Variants in FRMD4A observed in about 807,000 individuals in gnomAD.
FRMD4A encodes FERM domain containing 4A, also known as FERM domain-containing protein 4A.
A neutral mutation model predicts 129.1 loss-of-function variants in FRMD4A; 29 were observed. That is an observed-to-expected ratio of 0.22 (90% CI 0.17 to 0.31). The LOEUF (loss-of-function observed/expected upper bound fraction) is 0.31, where lower values mean the gene tolerates loss of function less well. Among genes scored for constraint, FRMD4A ranks in the 10% least tolerant of loss-of-function variants. The pLI is 1.00. For missense variants in FRMD4A, 1,272 were observed against 1,375.8 expected (o/e 0.92, Z 1.19); for synonymous variants, 634 against 571.6 (o/e 1.11, Z -1.56).
chr10:14,195,012 A>G (rs1031633477), intron 2 of FRMD4A, among the ~76,000 whole-genome samples: 4 of 152,170 alleles, frequency 2.6e-5, no homozygotes, highest in Non-Finnish European at 5.9e-5. Flanking sequence ...TTAAATCATC[A>G]TCTCTGTTTC....
At chr10:14,321,527 G>A (rs1843050334) in intron 2 of FRMD4A, among the ~76,000 whole-genome samples, 1 of 152,038 alleles carries the variant, frequency 6.6e-6, no homozygotes, top group African/African-American at 2.4e-5. Context: ...GTGGAGGAAG[G>A]GACCCTGGGA....
intron 2 of FRMD4A, among the ~76,000 whole-genome samples, chr10:14,005,316 C>G (rs1370368575): frequency 6.6e-6 from 1 of 152,154 alleles, no homozygotes; most frequent in African/African-American, 2.4e-5. Context: ...GCCATCACAC[C>G]CAGTCCATTT....
chr10:13,652,702 C>T (rs894402702), intron 23 of FRMD4A: 3 of 152,276 alleles, frequency 2.0e-5, no homozygotes, highest in Admixed American at 1.3e-4. Flanking sequence ...TCCAGTTTCT[C>T]TTATTTTAAA....
intron 2 of FRMD4A, among the ~76,000 whole-genome samples, chr10:14,128,141 C>A (rs1405333377): frequency 2.7e-5 from 4 of 147,838 alleles, no homozygotes; most frequent in Non-Finnish European, 5.9e-5. Flanking sequence ...TCTCACTCTG[C>A]CACTCAGACT....
intron 2 of FRMD4A, among the ~76,000 whole-genome samples, chr10:13,903,301 C>G (rs1372061132): frequency 6.6e-6 from 1 of 152,214 alleles, no homozygotes; most frequent in African/African-American, 2.4e-5. Flanking sequence ...TTCTAACAGA[C>G]TGTACCATTT....
chr10:14,309,667 C>G (rs1358318566), intron 2 of FRMD4A, among the ~76,000 whole-genome samples: 1 of 152,010 alleles, frequency 6.6e-6, no homozygotes, highest in South Asian at 2.1e-4. Flanking sequence ...AGCCTCCAGG[C>G]CCCCCTCCTG....
intron 2 of FRMD4A, chr10:13,890,698 T>C (rs2094684968): frequency 1.0e-6 from 1 of 985,096 alleles, no homozygotes; most frequent in African/African-American, 1.7e-5. Flanking sequence ...GGATGCTCCA[T>C]TCATAGGGGA....
chr10:14,201,864 C>T (rs995202128), intron 2 of FRMD4A, among the ~76,000 whole-genome samples: 1 of 152,122 alleles, frequency 6.6e-6, no homozygotes, highest in Non-Finnish European at 1.5e-5. Flanking sequence ...GGTGCGGTGG[C>T]TCATGCCTGT....
chr10:14,201,405 G>A (rs1324994372), intron 2 of FRMD4A, among the ~76,000 whole-genome samples: 2 of 152,170 alleles, frequency 1.3e-5, no homozygotes, highest in Non-Finnish European at 2.9e-5. Context: ...AGGAATGCCT[G>A]AGAAGTGGAT....
intron 3 of FRMD4A, among the ~76,000 whole-genome samples, chr10:13,813,461 AAT>A (rs1259844320): frequency 1.3e-5 from 2 of 152,222 alleles, no homozygotes; most frequent in Non-Finnish European, 2.9e-5. Context: ...AATAAGTTGC[AAT>A]ATACATATGC....
intron 2 of FRMD4A, among the ~76,000 whole-genome samples, chr10:14,129,952 T>C (rs1194790000): frequency 6.6e-6 from 1 of 152,178 alleles, no homozygotes; most frequent in Non-Finnish European, 1.5e-5. Flanking sequence ...CCCTCTTCCC[T>C]GTGGTGGCCC....
At chr10:13,930,709 A>G (rs1438212434) in intron 2 of FRMD4A, among the ~76,000 whole-genome samples, 1 of 152,202 alleles carries the variant, frequency 6.6e-6, no homozygotes, top group African/African-American at 2.4e-5. Flanking sequence ...CTTAAATAGG[A>G]ATATAACAGT....
At chr10:13,772,617 C>T (rs2400012) in intron 6 of FRMD4A, among the ~76,000 whole-genome samples, 6,334 of 152,178 alleles carry the variant, frequency 0.042, 443 homozygotes, top group African/African-American at 0.14. Context: ...TGAGGTAAAG[C>T]GCCTCAAATT....
chr10:14,327,101 C>T, intron 2 of FRMD4A: 2 of 397,198 alleles, frequency 5.0e-6, no homozygotes, highest in Admixed American at 8.8e-5. Flanking sequence ...CAGCTGACCG[C>T]AACCCAGCCC....
intron 2 of FRMD4A, among the ~76,000 whole-genome samples, chr10:13,930,669 A>G (rs2095184142): frequency 6.6e-6 from 1 of 152,196 alleles, no homozygotes; most frequent in Non-Finnish European, 1.5e-5. Flanking sequence ...CTGCAGCTTT[A>G]GGAGAAAACG....
chr10:13,648,615 C>T (rs984104480), intron 24 of FRMD4A: 2 of 152,158 alleles, frequency 1.3e-5, no homozygotes, highest in African/African-American at 4.8e-5. Flanking sequence ...TCATTTCCTC[C>T]TGAGAACTAG....
At chr10:14,044,751 C>A (rs1161043646) in intron 2 of FRMD4A, among the ~76,000 whole-genome samples, 1 of 152,214 alleles carries the variant, frequency 6.6e-6, no homozygotes, top group African/African-American at 2.4e-5. Context: ...CAGTTTGTGA[C>A]ATTTTGTTAT....
At chr10:13,832,833 T>C (rs1047337696) in intron 3 of FRMD4A, among the ~76,000 whole-genome samples, 2 of 152,096 alleles carry the variant, frequency 1.3e-5, no homozygotes, top group African/African-American at 4.8e-5. Flanking sequence ...AGAGACAGGG[T>C]CTTGCTATGT....
intron 2 of FRMD4A, among the ~76,000 whole-genome samples, chr10:14,039,130 C>A (rs954545933): frequency 6.6e-6 from 1 of 152,136 alleles, no homozygotes; most frequent in African/African-American, 2.4e-5. Flanking sequence ...TCATGTACTG[C>A]AAGCATCGGG....
Sources: allele counts gnomAD v4.1 joint callset (sites outside exome capture counted in the v4.1 genomes callset), GRCh38; gene constraint gnomAD v4.1.1; transcripts MANE v1.5; gene names NCBI Gene and HGNC (gene_info 2026-07-23, HGNC 2026-07-21).